Variants in BACH2 observed in about 807,000 individuals in gnomAD.
BACH2 encodes transcription regulator protein BACH2.
A neutral mutation model predicts 61.8 loss-of-function variants in BACH2; 5 were observed. That is an observed-to-expected ratio of 0.08 (90% CI 0.04 to 0.17). The LOEUF (loss-of-function observed/expected upper bound fraction) is 0.17, where lower values mean the gene tolerates loss of function less well. Among genes scored for constraint, BACH2 ranks in the 10% least tolerant of loss-of-function variants. BACH2 has a pLI of 1.00. For synonymous variants in BACH2, 446 were observed against 440.1 expected (o/e 1.01, Z -0.17); for missense variants, 824 against 1,091.1 (o/e 0.76, Z 3.45).
At chr6:89,988,806 A>T (rs1776381959) in intron 6 of BACH2, among the ~76,000 whole-genome samples, 1 of 152,224 alleles carries the variant, frequency 6.6e-6, no homozygotes, top group Non-Finnish European at 1.5e-5. Flanking sequence ...GGCAAAAAAG[A>T]AGTTCATGCA....
intron 4 of BACH2, among the ~76,000 whole-genome samples, chr6:90,152,467 C>A (rs1459675326): frequency 2.0e-5 from 3 of 152,202 alleles, no homozygotes; most frequent in Non-Finnish European, 4.4e-5. Context: ...GACTATTTTT[C>A]AGCCCCACCT....
chr6:90,117,724 A>G (rs758084928), intron 4 of BACH2, among the ~76,000 whole-genome samples: 1 of 152,168 alleles, frequency 6.6e-6, no homozygotes, highest in Non-Finnish European at 1.5e-5. Context: ...AGGTAATTCT[A>G]GAGAGTGTAT....
At chr6:90,265,639 C>T (rs1003933936) in intron 2 of BACH2, among the ~76,000 whole-genome samples, 2 of 152,136 alleles carry the variant, frequency 1.3e-5, no homozygotes, top group African/African-American at 4.8e-5. Context: ...CTTTAGACGG[C>T]TTGTAATCAA....
At chr6:90,111,622 A>C (rs1474382011) in intron 4 of BACH2, among the ~76,000 whole-genome samples, 2 of 152,126 alleles carry the variant, frequency 1.3e-5, no homozygotes, top group Non-Finnish European at 2.9e-5. Flanking sequence ...CTCCTCATTT[A>C]GGTCTCATCT....
intron 6 of BACH2, among the ~76,000 whole-genome samples, chr6:89,977,844 T>C (rs547980319): frequency 1.1e-3 from 168 of 152,322 alleles, no homozygotes; most frequent in African/African-American, 3.9e-3. Context: ...TCTTGCTAAA[T>C]GAGGATCCAA....
intron 3 of BACH2, among the ~76,000 whole-genome samples, chr6:90,211,114 G>T (rs983607963): frequency 7.1e-5 from 8 of 111,914 alleles, no homozygotes; most frequent in South Asian, 3.2e-4. Context: ...GTGACAGAGG[G>T]AGACTCCATC....
Position 89,951,224 on chromosome 6 carries a change from A to T in BACH2, c.882T>A (p.Ser294=). The T allele has an allele frequency of 6.2e-7, 1 of 1,614,022 alleles. No homozygotes were observed. The highest frequency in any genetic ancestry group is 2.2e-5 in the East Asian group (1 of 44,844). ...TGTCCTTGGCGTCAGGCTCATCTCC[A>T]GACAGGCAGAGCGTGATGCTCTCTT... ...NEEESITLCL[S]GDEPDAKDRA... is the part of the protein sequence containing the mutation. The change falls in exon 7 of 9, where the codon TCT becomes TCA. Residue 294 remains serine (S), a synonymous_variant. Transcript: ENST00000257749. The surrounding 1 kb of genome is among the most constrained non-coding windows in gnomAD (Gnocchi z 6.4).
chr6:90,161,173 G>A (rs1177538219), intron 4 of BACH2, among the ~76,000 whole-genome samples: 1 of 151,008 alleles, frequency 6.6e-6, no homozygotes, highest in Admixed American at 6.6e-5. Context: ...CTAACTGGAA[G>A]GAAAAAAAAG....
intron 1 of BACH2, among the ~76,000 whole-genome samples, chr6:90,272,874 T>C (rs933801652): frequency 1.3e-5 from 2 of 152,148 alleles, no homozygotes; most frequent in African/African-American, 4.8e-5. Context: ...TCACTACCCC[T>C]GCCATTTTCA....
intron 4 of BACH2, among the ~76,000 whole-genome samples, chr6:90,197,191 A>G (rs949842844): frequency 2.0e-5 from 3 of 152,258 alleles, no homozygotes; most frequent in Admixed American, 6.5e-5. Context: ...GCTGGGAAGA[A>G]TACCAGCAAA....
chr6:90,039,783 C>G (rs1002486370), intron 5 of BACH2, among the ~76,000 whole-genome samples: 3 of 152,150 alleles, frequency 2.0e-5, no homozygotes, highest in African/African-American at 7.2e-5. Context: ...AAGTAAAAAA[C>G]AGCGTTTAAT....
chr6:90,004,344 C>T (rs1054706014), intron 6 of BACH2, among the ~76,000 whole-genome samples: 3 of 152,126 alleles, frequency 2.0e-5, no homozygotes, highest in Non-Finnish European at 2.9e-5. Flanking sequence ...CGAGCACAAA[C>T]CTGAAATCTA....
chr6:89,995,112 T>C (rs1023597987), intron 6 of BACH2, among the ~76,000 whole-genome samples: 2 of 152,220 alleles, frequency 1.3e-5, no homozygotes, highest in Non-Finnish European at 2.9e-5. Context: ...TCCAGGACCA[T>C]GAACTACATC....
intron 3 of BACH2, among the ~76,000 whole-genome samples, chr6:90,235,209 T>C (rs774915462): frequency 2.0e-5 from 3 of 152,204 alleles, no homozygotes; most frequent in Admixed American, 6.5e-5. Context: ...GCTGGTTGCA[T>C]TCATAGAAAG....
At chr6:90,148,045 G>A (rs935699889) in intron 4 of BACH2, among the ~76,000 whole-genome samples, 1 of 152,196 alleles carries the variant, frequency 6.6e-6, no homozygotes, top group Admixed American at 6.5e-5. Flanking sequence ...CAGAGGTACA[G>A]AGAGGCTCTT....
chr6:90,086,740 G>A (rs1287451388), intron 5 of BACH2, among the ~76,000 whole-genome samples: 1 of 152,214 alleles, frequency 6.6e-6, no homozygotes, highest in Admixed American at 6.5e-5. Flanking sequence ...AACACTGGAT[G>A]TGTAAACGTG....
At chr6:89,934,724 A>G (rs1485708397) in intron 8 of BACH2, among the ~76,000 whole-genome samples, 1 of 152,114 alleles carries the variant, frequency 6.6e-6, no homozygotes, top group East Asian at 1.9e-4. Context: ...GGCACACACA[A>G]TGAAGTGGAT....
intron 5 of BACH2, among the ~76,000 whole-genome samples, chr6:90,020,994 G>A (rs984996080): frequency 2.0e-5 from 3 of 152,128 alleles, no homozygotes; most frequent in Admixed American, 2.0e-4. Flanking sequence ...TCTGATTTGG[G>A]TTTTGGCTGG....
chr6:90,239,786 A>AGG (rs1189643748), intron 3 of BACH2, among the ~76,000 whole-genome samples: 2 of 133,570 alleles, frequency 1.5e-5, no homozygotes, highest in African/African-American at 5.8e-5. Flanking sequence ...CTCCATAGTA[A>AGG]GGGGGGGGGA....
Sources: gnomAD v4.1 joint callset for allele counts (sites outside exome capture counted in the v4.1 genomes callset) on GRCh38, gnomAD v4.1.1 for gene constraint, Gnocchi (gnomAD v3.1) non-coding constraint, MANE v1.5 for transcripts, NCBI Gene and HGNC (gene_info 2026-07-23, HGNC 2026-07-21) for gene names.